Variants in DNAJC8 observed in about 807,000 individuals in gnomAD.
The protein encoded by DNAJC8 is DnaJ heat shock protein family (Hsp40) member C8.
In DNAJC8, 24 loss-of-function variants were observed where a neutral mutation model predicts 43.2. That is an observed-to-expected ratio of 0.56 (90% CI 0.40 to 0.78). The LOEUF (loss-of-function observed/expected upper bound fraction) is 0.78, where lower values mean the gene tolerates loss of function less well. Ranked by LOEUF, DNAJC8 falls within the 30% of genes least tolerant of loss-of-function variation. The pLI, the probability that DNAJC8 is intolerant of heterozygous loss-of-function variation, is 0.00. For synonymous variants in DNAJC8, 83 were observed against 98.0 expected, an observed-to-expected ratio of 0.85 and a Z score of 0.90; for missense variants, 207 against 299.4, an observed-to-expected ratio of 0.69 and a Z score of 2.28.
rs2149026760 is a variant in DNAJC8, at chr1:28,233,019, G to T, written c.-21C>A. 1 of 1,609,826 alleles carries T rather than the reference G, an allele frequency of 6.2e-7. No homozygotes were observed. Among genetic ancestry groups the T allele is most frequent in the Non-Finnish European group, 8.5e-7 (1 of 1,179,896 alleles). ...GCCATTTCCCCGGCCCAGCCACCAC[G>T]TGACCCTTCTGCGCAGGCGTCGCCT... On this transcript the variant is annotated 5_prime_UTR_variant, in exon 1 of 9. Transcript: ENST00000263697.
intron 2 of DNAJC8, among the ~76,000 whole-genome samples, chr1:28,215,670 T>C (rs544470720): frequency 6.6e-6 from 1 of 151,776 alleles, no homozygotes; most frequent in South Asian, 2.1e-4. Flanking sequence ...CCTGAGTAGC[T>C]GGGATTACAG....
chr1:28,211,918 G>A (rs543257546), intron 3 of DNAJC8, among the ~76,000 whole-genome samples: 1 of 151,850 alleles, frequency 6.6e-6, no homozygotes, highest in South Asian at 2.1e-4. Flanking sequence ...CACTTTGGAA[G>A]GCTGAGGCTG....
chr1:28,228,733 A>C (rs766152743), intron 2 of DNAJC8, among the ~76,000 whole-genome samples, 189 bp downstream of exon 2: 20 of 152,128 alleles, frequency 1.3e-4, no homozygotes, highest in Non-Finnish European at 2.8e-4. Flanking sequence ...AAATCCAAAA[A>C]ACTTCTGGTC....
chr1:28,202,829 G>T (rs774927684), intron 8 of DNAJC8, among the ~76,000 whole-genome samples: 3 of 151,786 alleles, frequency 2.0e-5, no homozygotes, highest in Non-Finnish European at 4.4e-5. Context: ...TGATCTGCCC[G>T]CCTTGGCCTC....
chr1:28,201,128 A>G lies in DNAJC8; in HGVS notation c.*120T>C. The stretch of plus-strand genomic sequence containing the variant: ...TCGATATTAAATCGTATTGAAAACA[A>G]AATGGACTAAAAAGCAAATACTACT... On this transcript the variant is annotated 3_prime_UTR_variant, in exon 9 of 9. Coordinates refer to ENST00000263697, the MANE Select transcript of DNAJC8 (RefSeq NM_014280.3). 1.4e-6 allele frequency: 2 copies of G among 1,424,192 alleles called. No individual in the cohort carries two copies. Among genetic ancestry groups the G allele is most frequent in the Non-Finnish European group, 1.9e-6 (2 of 1,047,558 alleles). The allele number at this position is 1,424,192 out of a possible 1,614,324, so 88.2% of individuals were successfully genotyped here.
Position 28,214,987 on chromosome 1 carries a change from T to C in DNAJC8, c.190A>G (p.Ile64Val). The C allele has an allele frequency of 1.2e-6, 2 of 1,608,070 alleles. No individual in the cohort carries two copies. The highest frequency in any genetic ancestry group is 1.7e-6 in the Non-Finnish European group (2 of 1,177,168). Residue 64 changes from isoleucine to valine, a missense_variant, in exon 3 of 9, where the codon ATA (isoleucine) becomes GTA (valine). Around this residue, in one of 2 missense-constraint regions of DNAJC8, gnomAD observed 159 missense variants for 267.5 expected, o/e 0.59. Coordinates refer to ENST00000263697, the MANE Select transcript of DNAJC8 (RefSeq NM_014280.3). ...TCTTCATCTGTAACTTCAGGATCTA[T>C]CTGAAGAACCTGGAAGTATCAAAAT... ...FNLNPFEVLQIDPEVTDEEIK... is the reference protein window; with the variant it reads ...FNLNPFEVLQVDPEVTDEEIK...
chr1:28,221,426 C>A (rs756820483), intron 2 of DNAJC8, among the ~76,000 whole-genome samples: 1 of 152,080 alleles, frequency 6.6e-6, no homozygotes, highest in Non-Finnish European at 1.5e-5. Flanking sequence ...GCTTTCAGAG[C>A]GTGCAAACTC....
chr1:28,211,254 G>C (rs182477796), intron 3 of DNAJC8, among the ~76,000 whole-genome samples: 234 of 152,254 alleles, frequency 1.5e-3, no homozygotes, highest in Non-Finnish European at 2.9e-3. Flanking sequence ...AGACTGAAAG[G>C]TATCAAGTTC....
chr1:28,229,882 T>C (rs1646962487), intron 1 of DNAJC8, among the ~76,000 whole-genome samples: 1 of 151,782 alleles, frequency 6.6e-6, no homozygotes, highest in Non-Finnish European at 1.5e-5. Flanking sequence ...ACATAAACTA[T>C]GAGCAGCATT....
intron 2 of DNAJC8, among the ~76,000 whole-genome samples, chr1:28,224,488 G>C (rs1231261294): frequency 6.6e-6 from 1 of 151,908 alleles, no homozygotes; most frequent in African/African-American, 2.4e-5. Flanking sequence ...AGCTGGTCTT[G>C]AACTCCTGAC....
chr1:28,206,185 C>CT (rs764300168), intron 6 of DNAJC8, among the ~76,000 whole-genome samples: 4 of 151,294 alleles, frequency 2.6e-5, no homozygotes, highest in Non-Finnish European at 4.4e-5. Context: ...GAGCAAGACT[C>CT]TATCTCTTTT....
At chr1:28,228,348 CAAAA>C (rs78440134) in intron 2 of DNAJC8, among the ~76,000 whole-genome samples, 3 of 74,792 alleles carry the variant, frequency 4.0e-5, no homozygotes, top group East Asian at 4.7e-4. Context: ...GACTCCGTCT[CAAAA>C]AAAAAAAAAA....
intron 2 of DNAJC8, among the ~76,000 whole-genome samples, chr1:28,219,505 T>A (rs1053511839): frequency 4.6e-5 from 7 of 152,072 alleles, no homozygotes; most frequent in Non-Finnish European, 1.0e-4. Context: ...TGAGACTCTG[T>A]CTCAATAAAT....
At chr1:28,216,958 G>A (rs896338723) in intron 2 of DNAJC8, among the ~76,000 whole-genome samples, 2 of 151,484 alleles carry the variant, frequency 1.3e-5, no homozygotes, top group Non-Finnish European at 2.9e-5. Flanking sequence ...ACAGGCATGC[G>A]CCACCACGCC....
chr1:28,221,154 A>G (rs1646895610), intron 2 of DNAJC8, among the ~76,000 whole-genome samples: 1 of 152,058 alleles, frequency 6.6e-6, no homozygotes, highest in South Asian at 2.1e-4. Context: ...CCTGGCTAAC[A>G]TAGTGAAACC....
At chr1:28,226,420 T>C (rs1016114192) in intron 2 of DNAJC8, among the ~76,000 whole-genome samples, 13 of 151,232 alleles carry the variant, frequency 8.6e-5, no homozygotes, top group African/African-American at 2.7e-4. Context: ...GAAGAATCGC[T>C]TGAACCCGGG....
intron 4 of DNAJC8, 102 bp downstream of exon 4, chr1:28,210,469 A>G: frequency 9.6e-7 from 1 of 1,046,528 alleles, no homozygotes. Flanking sequence ...CTTGGTGACC[A>G]GAAGACAAAA....
chr1:28,219,464 G>A (rs1320448234), intron 2 of DNAJC8, among the ~76,000 whole-genome samples: 2 of 152,150 alleles, frequency 1.3e-5, no homozygotes, highest in East Asian at 1.9e-4. Flanking sequence ...AGCCGAGATC[G>A]TGCCACTGCA....
At chr1:28,215,757 A>G (rs1646848719) in intron 2 of DNAJC8, among the ~76,000 whole-genome samples, 1 of 151,988 alleles carries the variant, frequency 6.6e-6, no homozygotes, top group Admixed American at 6.6e-5. Context: ...GGCTGGTCTC[A>G]AACTCCAGAC....
Sources: allele counts gnomAD v4.1 joint callset (sites outside exome capture counted in the v4.1 genomes callset), GRCh38; gene constraint gnomAD v4.1.1; regional missense constraint gnomAD v4.1.1; transcripts MANE v1.5; gene names NCBI Gene and HGNC (gene_info 2026-07-23, HGNC 2026-07-21).